The following MAST4 variants were observed in gnomAD, a reference collection of about 807,000 sequenced individuals.
The protein encoded by MAST4 is microtubule-associated serine/threonine-protein kinase 4.
A neutral mutation model predicts 162.7 loss-of-function variants in MAST4; 89 were observed. The observed-to-expected ratio is 0.55, with a 90% CI of 0.46 to 0.65. The LOEUF (loss-of-function observed/expected upper bound fraction) is 0.65, where lower values mean the gene tolerates loss of function less well. MAST4 is among the 30% of genes least tolerant of loss of function. The probability of loss-of-function intolerance (pLI) is 0.00; values close to 1 mark genes in which losing one functional copy is unlikely to be tolerated. For synonymous variants in MAST4, 1,479 were observed against 1,361.1 expected (o/e 1.09, Z -1.91); for missense variants, 3,153 against 3,374.0 (o/e 0.93, Z 1.62).
intron 4 of MAST4, among the ~76,000 whole-genome samples, chr5:66,910,252 A>G (rs1229060010): frequency 6.6e-6 from 1 of 152,222 alleles, no homozygotes; most frequent in African/African-American, 2.4e-5. Flanking sequence ...GGAAACCTGC[A>G]GCCACACACC....
intron 2 of MAST4, among the ~76,000 whole-genome samples, chr5:66,787,519 A>G (rs1755172304): frequency 6.6e-6 from 1 of 152,240 alleles, no homozygotes; most frequent in Non-Finnish European, 1.5e-5. Flanking sequence ...GCTGGTAGTT[A>G]GCGTGTGCAG....
chr5:66,648,121 T>C lies in MAST4; in HGVS notation c.363+51103T>C, dbSNP rs187592747. 4.8e-4 allele frequency among the ~76,000 whole-genome samples: 71 copies of C among 149,450 alleles called. No individual in the cohort carries two copies. The East Asian group carries it at 0.014, about 30-fold the overall frequency. On this transcript the variant is annotated intron_variant, in intron 1 of 28. Transcript: ENST00000403625. Reference sequence around the variant, plus strand: ...GAGAGAGAGATTTAGTATTTCCTCTTTATTTTCAGGCTTTGTGGCAATGTG... The same window carrying C: ...GAGAGAGAGATTTAGTATTTCCTCTCTATTTTCAGGCTTTGTGGCAATGTG...
At chr5:66,783,753 C>T (rs1177266888) in intron 2 of MAST4, among the ~76,000 whole-genome samples, 2 of 152,056 alleles carry the variant, frequency 1.3e-5, no homozygotes, top group African/African-American at 4.8e-5. Flanking sequence ...TGCTTGTTCT[C>T]AGTGGTCTCT....
intron 3 of MAST4, among the ~76,000 whole-genome samples, chr5:66,879,383 T>A (rs1156352222): frequency 6.6e-6 from 1 of 151,608 alleles, no homozygotes; most frequent in Non-Finnish European, 1.5e-5. Flanking sequence ...TATATATACA[T>A]ACACAAATTA....
At chr5:66,823,694 C>T (rs1454481055) in intron 3 of MAST4, among the ~76,000 whole-genome samples, 1 of 152,066 alleles carries the variant, frequency 6.6e-6, no homozygotes, top group Admixed American at 6.6e-5. Context: ...TGGTCTCCAA[C>T]CAACATGTTC....
At chr5:67,120,656 G>T (rs1481902801) in intron 13 of MAST4, among the ~76,000 whole-genome samples, 1 of 152,126 alleles carries the variant, frequency 6.6e-6, no homozygotes, top group Non-Finnish European at 1.5e-5. Flanking sequence ...GAGCCACTCC[G>T]GCCCATTCTT....
intron 2 of MAST4, among the ~76,000 whole-genome samples, chr5:66,776,145 G>C (rs956889565): frequency 4.6e-5 from 7 of 152,180 alleles, no homozygotes; most frequent in African/African-American, 1.7e-4. Flanking sequence ...TTCTGCATAG[G>C]TTGTGATATG....
At position 67,167,011 on chromosome 5, in the gene MAST4, A is replaced by G; in HGVS notation, c.7832A>G (p.Lys2611Arg). ...TTTGTGGTACGGCAGAGGCGGGGGA[A>G]AGAGAGTTTGCGTAGCAGCCCTCAC... is the stretch of plus-strand genomic sequence containing the variant. ...KDFVVRQRRG[K>R]ESLRSSPHKK... Residue 2611 changes from lysine (K) to arginine (R), a missense_variant, in exon 29 of 29, where the codon AAA becomes AGA. Physicochemically the swap from Lys to Arg is conservative, Grantham distance 26 (BLOSUM62 2). Around this residue, in one of 7 missense-constraint regions of MAST4, gnomAD observed 1,644 missense variants for 1,495.0 expected, o/e 1.10. Transcript: ENST00000403625. 6.2e-7 allele frequency: 1 copy of G among 1,606,170 alleles called. No individual in the cohort carries two copies. Among genetic ancestry groups the G allele is most frequent in the Non-Finnish European group, 8.5e-7 (1 of 1,176,366 alleles).
At chr5:66,863,534 C>T (rs1463707149) in intron 3 of MAST4, among the ~76,000 whole-genome samples, 1 of 152,112 alleles carries the variant, frequency 6.6e-6, no homozygotes, top group Non-Finnish European at 1.5e-5. Flanking sequence ...CCTCCCACCC[C>T]TACCTCTTTC....
intron 1 of MAST4, among the ~76,000 whole-genome samples, chr5:66,647,356 C>T (rs977457453): frequency 1.3e-5 from 2 of 152,102 alleles, no homozygotes; most frequent in African/African-American, 4.8e-5. Context: ...CAGTGACTAC[C>T]CCATGTCCTT....
chr5:66,855,308 C>G (rs1261737228), intron 3 of MAST4, among the ~76,000 whole-genome samples: 1 of 152,180 alleles, frequency 6.6e-6, no homozygotes, highest in African/African-American at 2.4e-5. Flanking sequence ...CCTCCTTCAC[C>G]TTCCGCTATG....
chr5:66,649,139 A>G (rs1044595272), intron 1 of MAST4, among the ~76,000 whole-genome samples: 7 of 152,164 alleles, frequency 4.6e-5, no homozygotes, highest in African/African-American at 1.7e-4. Context: ...CATGGAAGCC[A>G]TTGCCCTAAC....
chr5:66,692,554 T>G (rs1749118918), intron 1 of MAST4, among the ~76,000 whole-genome samples: 1 of 152,262 alleles, frequency 6.6e-6, no homozygotes, highest in South Asian at 2.1e-4. Flanking sequence ...CTTTGAATAT[T>G]CGAGGCAATA....
chr5:66,609,895 A>G (rs1372189085), intron 1 of MAST4, among the ~76,000 whole-genome samples: 4 of 151,932 alleles, frequency 2.6e-5, no homozygotes, highest in African/African-American at 7.3e-5. Context: ...CTTGGCATAT[A>G]TCTGTGCTTT....
intron 8 of MAST4, among the ~76,000 whole-genome samples, chr5:67,100,854 A>G (rs913216324): frequency 1.3e-5 from 2 of 152,244 alleles, no homozygotes; most frequent in Non-Finnish European, 2.9e-5. Context: ...GAAAACATCT[A>G]GCCACTGGAA....
At chr5:66,672,652 G>A (rs555708729) in intron 1 of MAST4, among the ~76,000 whole-genome samples, 10 of 152,026 alleles carry the variant, frequency 6.6e-5, no homozygotes, top group Non-Finnish European at 1.0e-4. Flanking sequence ...TCTTTCTGCC[G>A]CCTGTGATGC....
intron 4 of MAST4, among the ~76,000 whole-genome samples, chr5:66,949,318 A>G (rs1744397862): frequency 1.3e-5 from 2 of 152,160 alleles, no homozygotes; most frequent in South Asian, 4.1e-4. Flanking sequence ...TGATCCCTAC[A>G]TGTCAAGGGC....
At position 66,749,493 on chromosome 5, in the gene MAST4, C is replaced by T. The variant is rs370821605; in HGVS notation, c.364-10216C>T. Among the ~76,000 whole-genome samples, 4 of 152,280 alleles carry T rather than the reference C, an allele frequency of 2.6e-5. No individual in the cohort carries two copies. In the South Asian group the frequency reaches 8.3e-4, roughly 32 times the overall value. ...TCACTTGAGCCATAAAAACAAAACA[C>T]AAACCAAAACCTTGGTATGATTGTA... is the stretch of plus-strand genomic sequence containing the variant. On this transcript the variant is annotated intron_variant, in intron 1 of 28. Transcript: ENST00000403625.
At chr5:67,030,090 G>GTTCCTAAATATATATAT (rs1392954173) in intron 4 of MAST4, among the ~76,000 whole-genome samples, 25 of 152,056 alleles carry the variant, frequency 1.6e-4, no homozygotes, top group African/African-American at 6.0e-4. Flanking sequence ...ATATATTTAG[G>GTTCCTAAATATATATAT]AGCATCTAGG....
Sources: gnomAD v4.1 joint callset for allele counts (sites outside exome capture counted in the v4.1 genomes callset) on GRCh38, gnomAD v4.1.1 for gene constraint, gnomAD v4.1.1 regional missense constraint, MANE v1.5 for transcripts, NCBI Gene and HGNC (gene_info 2026-07-23, HGNC 2026-07-21) for gene names.